The following GRAMD1B variants were observed in gnomAD, a reference collection of about 807,000 sequenced individuals.
GRAMD1B encodes GRAM domain containing 1B, also known as protein Aster-B.
In GRAMD1B, 37 loss-of-function variants were observed where a neutral mutation model predicts 99.7. That is an observed-to-expected ratio of 0.37 (90% CI 0.29 to 0.49). GRAMD1B has a LOEUF of 0.49. Among genes scored for constraint, GRAMD1B ranks in the 20% least tolerant of loss-of-function variants. The pLI is 0.98. For synonymous variants in GRAMD1B, 427 were observed against 387.6 expected (o/e 1.10, Z -1.19); for missense variants, 888 against 1,009.2 (o/e 0.88, Z 1.63).
intron 2 of GRAMD1B, among the ~76,000 whole-genome samples, chr11:123,488,856 TCCATGGTGCAC>T: frequency 6.6e-6 from 1 of 152,238 alleles, no homozygotes; most frequent in East Asian, 1.9e-4. Context: ...TGGCTCCATG[TCCATGGTGCAC>T]CCTGGTCAAC....
intron 1 of GRAMD1B, among the ~76,000 whole-genome samples, chr11:123,424,694 A>C (rs1465679276): frequency 6.6e-6 from 1 of 152,214 alleles, no homozygotes; most frequent in African/African-American, 2.4e-5. Flanking sequence ...TTAAATACCC[A>C]TTCCTCCATA....
At chr11:123,467,547 C>T (rs536768300) in intron 1 of GRAMD1B, among the ~76,000 whole-genome samples, 44 of 152,012 alleles carry the variant, frequency 2.9e-4, no homozygotes, top group Non-Finnish European at 5.6e-4. Flanking sequence ...ACAACTTTGA[C>T]ACGGGGGCAG....
At chr11:123,399,753 G>GGGTGGC in intron 1 of GRAMD1B, among the ~76,000 whole-genome samples, 1 of 152,210 alleles carries the variant, frequency 6.6e-6, no homozygotes, top group East Asian at 1.9e-4. Flanking sequence ...GGAATTAAAT[G>GGGTGGC]TGCACCACCC....
In GRAMD1B at chr11:123,583,395, C is replaced by T. The variant is rs113446158; in HGVS notation, c.664-917C>T. Among the ~76,000 whole-genome samples, 612 of 81,152 alleles carry T rather than the reference C, an allele frequency of 7.5e-3. 2 individuals are homozygous for T. The highest frequency in any genetic ancestry group is 0.013 in the Non-Finnish European group (457 of 35,956). 53.2% of individuals were successfully genotyped at this position (81,152 alleles called of 152,430 possible). A position where few individuals can be genotyped will look rare whatever the true frequency, so the allele number is the denominator to read the frequency against. On this transcript the variant is annotated intron_variant, in intron 3 of 19. Coordinates refer to ENST00000635736, the MANE Select transcript of GRAMD1B (RefSeq NM_001387025.1). The stretch of plus-strand genomic sequence containing the variant: ...TGCACGTGTGTGGTGTGTATGTGTG[C>T]GTGTGTGTGTGTGTCTGTGTATATG...
At chr11:123,484,385 A>G (rs1489482216) in intron 2 of GRAMD1B, among the ~76,000 whole-genome samples, 1 of 152,114 alleles carries the variant, frequency 6.6e-6, no homozygotes, top group Non-Finnish European at 1.5e-5. Context: ...GGTATTTGGG[A>G]CTTTACACTG....
At chr11:123,469,702 CTTTCTT>C (rs1253468767) in intron 1 of GRAMD1B, among the ~76,000 whole-genome samples, 1 of 151,444 alleles carries the variant, frequency 6.6e-6, no homozygotes, top group Non-Finnish European at 1.5e-5. Context: ...TTCCCTTTCT[CTTTCTT>C]TTCTTTCTTT....
intron 2 of GRAMD1B, among the ~76,000 whole-genome samples, chr11:123,542,224 A>G (rs1944605718): frequency 1.3e-5 from 2 of 152,212 alleles, no homozygotes; most frequent in South Asian, 4.2e-4. Context: ...GTGTATGTGA[A>G]TGCATGGATG....
intron 2 of GRAMD1B, among the ~76,000 whole-genome samples, chr11:123,552,096 T>G (rs937884746): frequency 6.6e-6 from 1 of 152,152 alleles, no homozygotes; most frequent in Admixed American, 6.5e-5. Context: ...CATGGGGCCC[T>G]GTGCGTTCTC....
At chr11:123,572,846 G>A (rs1275348782) in intron 2 of GRAMD1B, among the ~76,000 whole-genome samples, 6 of 150,942 alleles carry the variant, frequency 4.0e-5, no homozygotes, top group East Asian at 2.0e-4. Flanking sequence ...GGTAGGCCCC[G>A]ATGGCTGGGG....
Position 123,610,311 on chromosome 11 carries a change from G to A in GRAMD1B, c.1892G>A (p.Arg631His), listed in dbSNP as rs573181030. The change falls in exon 14 of 20, where the codon CGT (arginine) becomes CAT (histidine). Residue 631 changes from arginine (R) to histidine (H), a missense_variant. By Grantham distance (29) the Arg-to-His change is conservative. Around this residue, in one of 5 missense-constraint regions of GRAMD1B, gnomAD observed 92 missense variants for 156.9 expected, o/e 0.59. Coordinates refer to ENST00000635736, the MANE Select transcript of GRAMD1B (RefSeq NM_001387025.1). This position sits in a 1 kb window ranked among gnomAD's most constrained non-coding sequence, Gnocchi z 4.1. ...FYTINRYTLT[R>H]VARNKSRLRV... The stretch of plus-strand genomic sequence containing the variant: ...ACAATCAATCGCTACACGCTCACCC[G>A]TGTGGCTCGGAACAAGAGCCGACTC... 26 of 1,613,928 alleles carry A rather than the reference G, an allele frequency of 1.6e-5. No individual in the cohort carries two copies. Among genetic ancestry groups the A allele is most frequent in the African/African-American group, 2.7e-5 (2 of 75,036 alleles).
rs553788503 is a variant in GRAMD1B, at chr11:123,390,000, G to A, written c.-176+31201G>A. ...TCAAACTCCTGGCCCCAAGTGATCTGCCTGCCTCGGCCTCCCAAAGTGCTG... is the reference window on the plus strand; with the variant it reads ...TCAAACTCCTGGCCCCAAGTGATCTACCTGCCTCGGCCTCCCAAAGTGCTG... On this transcript the variant is annotated intron_variant, in intron 1 of 20. Coordinates refer to the GRAMD1B transcript ENST00000638157. Among the ~76,000 whole-genome samples the A allele has an allele frequency of 2.1e-4, 32 of 152,118 alleles. No homozygotes were observed. The East Asian group carries it at 6.2e-3, about 29-fold the overall frequency.
At chr11:123,584,723 G>A (rs1360124508) in intron 4 of GRAMD1B, among the ~76,000 whole-genome samples, 4 of 152,088 alleles carry the variant, frequency 2.6e-5, no homozygotes, top group Non-Finnish European at 5.9e-5. Context: ...CAAATGCAGC[G>A]AGAAAACTTT....
At chr11:123,469,666 ATTATT>A (rs1950888249) in intron 1 of GRAMD1B, among the ~76,000 whole-genome samples, 1 of 151,976 alleles carries the variant, frequency 6.6e-6, no homozygotes, top group Non-Finnish European at 1.5e-5. Flanking sequence ...AAAAATAAGT[ATTATT>A]TTTAATTTTT....
intron 2 of GRAMD1B, among the ~76,000 whole-genome samples, chr11:123,564,690 T>G (rs917345926): frequency 6.6e-6 from 1 of 152,222 alleles, no homozygotes; most frequent in Admixed American, 6.5e-5. Context: ...ACCAACTGTT[T>G]GATGGGTGGA....
intron 1 of GRAMD1B, among the ~76,000 whole-genome samples, chr11:123,388,247 C>G (rs1294122383): frequency 6.6e-6 from 1 of 151,910 alleles, no homozygotes; most frequent in Non-Finnish European, 1.5e-5. Flanking sequence ...ATGTTGGTAT[C>G]CCCCAATATG....
chr11:123,606,674 C>T lies in GRAMD1B; in HGVS notation c.1389C>T (p.Ala463=). 6.2e-7 allele frequency: 1 copy of T among 1,613,414 alleles called. No homozygotes were observed. Among genetic ancestry groups the T allele is most frequent in the East Asian group, 2.2e-5 (1 of 44,872 alleles). Residue 463 remains alanine (A), a synonymous_variant, in exon 11 of 20, where the codon GCC becomes GCT. Transcript: ENST00000635736. ...EGDGSLEKEL[A]IDNIMGEKIE... is the part of the protein sequence containing the mutation. The stretch of plus-strand genomic sequence containing the variant: ...ACGGGTCCCTGGAAAAGGAGCTCGC[C>T]ATTGACAACATCATGGGGGAGAAGA...
At chr11:123,465,263 G>A (rs1039352380) in intron 1 of GRAMD1B, among the ~76,000 whole-genome samples, 1 of 152,162 alleles carries the variant, frequency 6.6e-6, no homozygotes, top group African/African-American at 2.4e-5. Flanking sequence ...TATGTTGAAA[G>A]CCCAAGTCGA....
intron 11 of GRAMD1B, 66 bp downstream of exon 11, chr11:123,606,864 A>G (rs1952811308): frequency 3.2e-6 from 4 of 1,244,430 alleles, no homozygotes; most frequent in South Asian, 2.6e-5. Context: ...GGAGATCTCT[A>G]TGTGGGGACT....
chr11:123,506,182 G>C (rs1940405749), intron 2 of GRAMD1B, among the ~76,000 whole-genome samples: 1 of 152,196 alleles, frequency 6.6e-6, no homozygotes, highest in African/African-American at 2.4e-5. Context: ...AGCGGGGGAG[G>C]TTGATGTGAC....
Sources: gnomAD v4.1 joint callset for allele counts (sites outside exome capture counted in the v4.1 genomes callset) on GRCh38, gnomAD v4.1.1 for gene constraint, gnomAD v4.1.1 regional missense constraint, Gnocchi (gnomAD v3.1) non-coding constraint, MANE v1.5 for transcripts, NCBI Gene and HGNC (gene_info 2026-07-23, HGNC 2026-07-21) for gene names.